Variants in PAFAH2 observed in about 807,000 individuals in gnomAD.
PAFAH2 encodes platelet activating factor acetylhydrolase 2.
PAFAH2 carries 42 observed loss-of-function variants against 49.0 expected under a neutral mutation model. That is an observed-to-expected ratio of 0.86 (90% CI 0.67 to 1.11). The LOEUF (loss-of-function observed/expected upper bound fraction) is 1.11. PAFAH2 is among the 50% of genes least tolerant of loss of function. The pLI is 0.00. For synonymous variants in PAFAH2, 184 were observed against 181.3 expected, an observed-to-expected ratio of 1.01 and a Z score of -0.12; for missense variants, 503 against 501.8, an observed-to-expected ratio of 1.00 and a Z score of -0.02.
chr1:25,991,014 ACATTG>A, intron 1 of PAFAH2, 151 bp from the exon 2 acceptor site: 1 of 538,542 alleles, frequency 1.9e-6, no homozygotes, highest in Non-Finnish European at 3.3e-6. Flanking sequence ...CTACTTTGCT[ACATTG>A]CCTTTGCCAA....
chr1:25,985,913 T>A (rs1315512760), intron 4 of PAFAH2, among the ~76,000 whole-genome samples: 1 of 152,204 alleles, frequency 6.6e-6, no homozygotes, highest in Non-Finnish European at 1.5e-5. Context: ...ACAGAGCAGG[T>A]GCTCCACAGA....
intron 4 of PAFAH2, 134 bp downstream of exon 4, chr1:25,988,097 G>C (rs2049810550): frequency 1.6e-6 from 1 of 621,040 alleles, no homozygotes; most frequent in African/African-American, 1.9e-5. Flanking sequence ...CCAATGCTAT[G>C]GGACGAAGCA....
chr1:25,991,264 T>C (rs571616202), intron 1 of PAFAH2, among the ~76,000 whole-genome samples: 1 of 152,170 alleles, frequency 6.6e-6, no homozygotes, highest in Admixed American at 6.5e-5. Context: ...CATTTCATTG[T>C]CTCAACCACT....
Position 25,961,671 on chromosome 1 carries a change from TGA to T in PAFAH2, c.*316_*317del. ...GGTAAGGGAATGAGCTTCGCTGGGC[TGA>T]GTCTTCACATCCAGGCCTCACAGTG... On this transcript the variant is annotated 3_prime_UTR_variant, in exon 11 of 11. Coordinates refer to ENST00000374282, the MANE Select transcript of PAFAH2 (RefSeq NM_000437.4). 4.4e-6 allele frequency: 1 copy of T among 227,170 alleles called. No homozygotes were observed. The highest frequency in any genetic ancestry group is 8.6e-6 in the Non-Finnish European group (1 of 116,456). 14.1% of individuals were successfully genotyped at this position (227,170 alleles called of 1,614,324 possible).
intron 8 of PAFAH2, among the ~76,000 whole-genome samples, chr1:25,974,887 TCTC>T (rs1344051764): frequency 6.6e-6 from 1 of 152,180 alleles, no homozygotes; most frequent in Non-Finnish European, 1.5e-5. Context: ...ATATCCCTCT[TCTC>T]CTGGATCTAC....
Position 25,962,074 on chromosome 1 carries a change from T to C in PAFAH2, c.1094A>G (p.Glu365Gly), listed in dbSNP as rs763828898. The stretch of plus-strand genomic sequence containing the variant: ...AAGGTTGTTCCATTGATTATAGTCT[T>C]CTTTCAGGTCTGAAAAGGAAAAAAA... The part of the protein sequence containing the change: ...AFLQKHLDLK[E>G]DYNQWNNLIE... The change falls in exon 11 of 11, where the codon GAA (glutamate) becomes GGA (glycine). Residue 365 changes from glutamate to glycine, a missense_variant. Physicochemically the swap from Glu to Gly is moderately conservative, Grantham distance 98. Coordinates refer to ENST00000374282, the MANE Select transcript of PAFAH2 (RefSeq NM_000437.4). The C allele has an allele frequency of 5.6e-6, 9 of 1,613,224 alleles. No homozygotes were observed. In the East Asian group the frequency reaches 2.0e-4, roughly 36 times the overall value.
intron 10 of PAFAH2, among the ~76,000 whole-genome samples, chr1:25,962,653 A>C (rs927838717): frequency 2.6e-5 from 4 of 151,898 alleles, no homozygotes; most frequent in Non-Finnish European, 2.9e-5. Flanking sequence ...GCAAGACCTC[A>C]ACTCTACAAA....
intron 10 of PAFAH2, among the ~76,000 whole-genome samples, chr1:25,963,823 G>A (rs2049379470): frequency 6.6e-6 from 1 of 152,164 alleles, no homozygotes; most frequent in Admixed American, 6.5e-5. Context: ...TAAAAAGGGT[G>A]GTCAGGGTGG....
chr1:25,963,755 C>T (rs934463899), intron 10 of PAFAH2, among the ~76,000 whole-genome samples: 1 of 152,246 alleles, frequency 6.6e-6, no homozygotes, highest in African/African-American at 2.4e-5. Context: ...CCCGCCTCGG[C>T]CTCCCAAAGT....
At chr1:25,979,178 C>T (rs899898086) in intron 7 of PAFAH2, among the ~76,000 whole-genome samples, 6 of 152,228 alleles carry the variant, frequency 3.9e-5, no homozygotes, top group Non-Finnish European at 8.8e-5. Flanking sequence ...ACTTTGTTAA[C>T]AGAGTGAGTA....
chr1:25,977,653 C>CAAA (rs534687608), intron 7 of PAFAH2, among the ~76,000 whole-genome samples: 4 of 60,504 alleles, frequency 6.6e-5, no homozygotes, highest in East Asian at 4.6e-4. Flanking sequence ...ACCCTGTCTC[C>CAAA]AAAAAAAAAA....
Position 25,988,272 on chromosome 1 carries a change from T to A in PAFAH2, c.300A>T (p.Gly100=). The A allele has an allele frequency of 7.5e-6, 12 of 1,610,030 alleles. No homozygotes were observed. Among genetic ancestry groups the A allele is most frequent in the Non-Finnish European group, 1.0e-5 (12 of 1,178,248 alleles). Residue 100 remains glycine, a synonymous_variant, in exon 4 of 11, where the codon GGA becomes GGT. Transcript: ENST00000374282. The part of the protein sequence containing the change: ...WNGPFKTKDS[G]YPLIIFSHGL... Reference sequence around the variant, plus strand: ...CATGGGAGAAGATGATCAAGGGGTATCCAGAGTCCTTTGTCTTAAAGGGGC... The same window carrying A: ...CATGGGAGAAGATGATCAAGGGGTAACCAGAGTCCTTTGTCTTAAAGGGGC...
intron 10 of PAFAH2, among the ~76,000 whole-genome samples, chr1:25,966,745 T>C (rs1485448843): frequency 6.6e-6 from 1 of 151,742 alleles, no homozygotes; most frequent in Non-Finnish European, 1.5e-5. Flanking sequence ...TGTAAGAAAA[T>C]TGCACTTGTA....
chr1:25,963,065 C>G (rs2049363437), intron 10 of PAFAH2, among the ~76,000 whole-genome samples: 1 of 152,064 alleles, frequency 6.6e-6, no homozygotes. Flanking sequence ...ACAAAGGGTC[C>G]AAGCCCTCAG....
chr1:25,985,155 C>A (rs2049763639), intron 4 of PAFAH2, among the ~76,000 whole-genome samples: 1 of 152,108 alleles, frequency 6.6e-6, no homozygotes, highest in Admixed American at 6.5e-5. Context: ...CCGCACCCAG[C>A]CAGCCAGAGA....
intron 1 of PAFAH2, chr1:25,997,428 G>C (rs1208287067): frequency 6.6e-6 from 1 of 152,198 alleles, no homozygotes; most frequent in Non-Finnish European, 1.5e-5. Flanking sequence ...CTAGCTTGTT[G>C]GCTCCTCAAC....
chr1:25,983,759 A>T (rs966875550), intron 6 of PAFAH2, among the ~76,000 whole-genome samples, 187 bp downstream of exon 6: 2 of 152,160 alleles, frequency 1.3e-5, no homozygotes, highest in Non-Finnish European at 2.9e-5. Context: ...GGTAAGCCTA[A>T]GTTGGGGTTC....
In PAFAH2 at chr1:25,965,817, C is replaced by CA. The variant is rs56272061; in HGVS notation, c.1085-3735dup. On this transcript the variant is annotated intron_variant, in intron 10 of 10. Coordinates refer to ENST00000374282, the MANE Select transcript of PAFAH2 (RefSeq NM_000437.4). ...TGGGTGACAGAGCAAGACTTTGTCT[C>CA]AAAAAAAAAAAAAAAAAAAAAAAAA... Among the ~76,000 whole-genome samples the CA allele has an allele frequency of 4.8e-3, 84 of 17,386 alleles. 19 individuals carry two copies. Among genetic ancestry groups the CA allele is most frequent in the South Asian group, 0.021 (3 of 146 alleles). The allele number at this position is 17,386 out of a possible 152,430, so 11.4% of individuals were successfully genotyped here.
At chr1:25,987,237 AAAAATAAAATAAAATAAAATAAAAT>A (rs59896051) in intron 4 of PAFAH2, among the ~76,000 whole-genome samples, 12 of 133,888 alleles carry the variant, frequency 9.0e-5, no homozygotes, top group East Asian at 6.7e-4. Flanking sequence ...CTGTCTCAGA[AAAAATAAAATAAAATAAAATAAAAT>A]AAAATAAAAT....
Sources: gnomAD v4.1 joint callset for allele counts (sites outside exome capture counted in the v4.1 genomes callset) on GRCh38, gnomAD v4.1.1 for gene constraint, MANE v1.5 for transcripts, NCBI Gene and HGNC (gene_info 2026-07-23, HGNC 2026-07-21) for gene names.